JMJD1C: variants seen among roughly 807,000 people sequenced by gnomAD.
The protein encoded by JMJD1C is jumonji domain-containing protein 1C.
In JMJD1C, 31 loss-of-function variants were observed where a neutral mutation model predicts 245.3. That is an observed-to-expected ratio of 0.13 (90% CI 0.09 to 0.17). The LOEUF (loss-of-function observed/expected upper bound fraction) is 0.17. Ranked by LOEUF, JMJD1C falls within the 10% of genes least tolerant of loss-of-function variation. The probability of loss-of-function intolerance (pLI) is 1.00; values close to 1 mark genes in which losing one functional copy is unlikely to be tolerated. For missense variants in JMJD1C, 2,691 were observed against 3,000.2 expected, an observed-to-expected ratio of 0.90 and a Z score of 2.41; for synonymous variants, 1,057 against 1,017.4, an observed-to-expected ratio of 1.04 and a Z score of -0.74.
intron 1 of JMJD1C, among the ~76,000 whole-genome samples, chr10:63,495,923 TATC>T (rs1954352230): frequency 1.3e-5 from 2 of 151,532 alleles, no homozygotes; most frequent in African/African-American, 4.8e-5. Context: ...TAAAAAAGGA[TATC>T]AACATCTTTC....
chr10:63,375,799 C>G (rs1005516077), intron 2 of JMJD1C, among the ~76,000 whole-genome samples: 1 of 152,030 alleles, frequency 6.6e-6, no homozygotes, highest in Non-Finnish European at 1.5e-5. Context: ...AAGCAATCCT[C>G]TCGCCTTAGC....
intron 2 of JMJD1C, among the ~76,000 whole-genome samples, chr10:63,333,884 T>C (rs1942421474): frequency 6.6e-6 from 1 of 152,164 alleles, no homozygotes; most frequent in Non-Finnish European, 1.5e-5. Flanking sequence ...TAAATACAAT[T>C]TTTCCAGCAA....
At chr10:63,237,974 G>A (rs1236971960) in intron 3 of JMJD1C, among the ~76,000 whole-genome samples, 2 of 122,922 alleles carry the variant, frequency 1.6e-5, no homozygotes. Flanking sequence ...TTAGAGACCA[G>A]CCTGGCCAAC....
At chr10:63,202,864 T>G in intron 10 of JMJD1C, 1 of 978,008 alleles carries the variant, frequency 1.0e-6, no homozygotes, top group Non-Finnish European at 1.2e-6. Flanking sequence ...TTTGGAACAC[T>G]TGCTTCTAAT....
chr10:63,190,688 C>A (rs891762566), intron 17 of JMJD1C, among the ~76,000 whole-genome samples: 3 of 152,022 alleles, frequency 2.0e-5, no homozygotes, highest in Non-Finnish European at 4.4e-5. Context: ...TCGAAGAGCA[C>A]CCCCCCTCCA....
intron 1 of JMJD1C, among the ~76,000 whole-genome samples, chr10:63,484,942 T>C (rs1288347601): frequency 6.6e-6 from 1 of 151,682 alleles, no homozygotes; most frequent in African/African-American, 2.4e-5. Context: ...CAAGCTAGGG[T>C]TCATGCTGCT....
intron 1 of JMJD1C, among the ~76,000 whole-genome samples, chr10:63,393,853 T>C (rs185839494): frequency 6.6e-6 from 1 of 152,138 alleles, no homozygotes; most frequent in African/African-American, 2.4e-5. Context: ...AGTTGCACAG[T>C]TCACATTACC....
chr10:63,451,162 T>G (rs1325323579), intron 1 of JMJD1C, among the ~76,000 whole-genome samples: 1 of 152,164 alleles, frequency 6.6e-6, no homozygotes, highest in African/African-American at 2.4e-5. Flanking sequence ...ACATCTGTGT[T>G]TGTGGATCAG....
At chr10:63,350,194 A>AT (rs1944228731) in intron 2 of JMJD1C, among the ~76,000 whole-genome samples, 1 of 152,164 alleles carries the variant, frequency 6.6e-6, no homozygotes, top group Non-Finnish European at 1.5e-5. Context: ...CTGACTCATG[A>AT]GATAAGTGAC....
At chr10:63,509,755 G>A (rs1954820551) in intron 1 of JMJD1C, among the ~76,000 whole-genome samples, 1 of 152,120 alleles carries the variant, frequency 6.6e-6, no homozygotes, top group East Asian at 1.9e-4. Context: ...TAAAGATGCT[G>A]CTCTTTCATT....
chr10:63,298,175 A>G (rs1420868148), intron 2 of JMJD1C, among the ~76,000 whole-genome samples: 7 of 151,382 alleles, frequency 4.6e-5, no homozygotes, highest in African/African-American at 1.5e-4. Flanking sequence ...ACCCCTCACC[A>G]CTCTGCTCCT....
chr10:63,320,313 T>C (rs1392982114), intron 2 of JMJD1C, among the ~76,000 whole-genome samples: 1 of 152,236 alleles, frequency 6.6e-6, no homozygotes, highest in Non-Finnish European at 1.5e-5. Flanking sequence ...AGGATAATTT[T>C]ATATTCATCA....
intron 1 of JMJD1C, among the ~76,000 whole-genome samples, chr10:63,411,390 C>T (rs1949466813): frequency 6.6e-6 from 1 of 151,632 alleles, no homozygotes; most frequent in African/African-American, 2.4e-5. Flanking sequence ...CCTCCGCCTC[C>T]CGGGGTCAAG....
intron 1 of JMJD1C, among the ~76,000 whole-genome samples, chr10:63,406,478 G>C (rs989164418): frequency 6.6e-6 from 1 of 151,914 alleles, no homozygotes. Context: ...TCAAAGTCCA[G>C]AAGTTTTTAT....
chr10:63,516,189 G>A (rs1406627671), intron 1 of JMJD1C, among the ~76,000 whole-genome samples: 3 of 142,730 alleles, frequency 2.1e-5, no homozygotes, highest in Non-Finnish European at 3.0e-5. Context: ...CTTTATCTTA[G>A]ACTAAATATC....
In JMJD1C at chr10:63,510,042, G is replaced by A. The variant is rs540026526; in HGVS notation, n.113+11696C>T. Among the ~76,000 whole-genome samples the A allele has an allele frequency of 7.4e-5, 11 of 148,784 alleles. No individual in the cohort carries two copies. The South Asian group carries it at 1.1e-3, about 14-fold the overall frequency. ...TTTTGAGATGGAGTCTCACTCTGTC[G>A]CCCAGGCTAGAGTGCAGTGGCGTGA... On this transcript the variant is annotated intron_variant and non_coding_transcript_variant, in intron 1 of 3. Transcript: ENST00000633035.
At chr10:63,236,608 T>G (rs1850762170) in intron 3 of JMJD1C, among the ~76,000 whole-genome samples, 1 of 152,172 alleles carries the variant, frequency 6.6e-6, no homozygotes, top group Non-Finnish European at 1.5e-5. Context: ...ATTTACTAAC[T>G]GCAGCTTCCT....
At chr10:63,290,743 C>T (rs999925869) in intron 2 of JMJD1C, among the ~76,000 whole-genome samples, 26 of 151,906 alleles carry the variant, frequency 1.7e-4, no homozygotes, top group Admixed American at 1.7e-3. Flanking sequence ...AAAATGCTTG[C>T]AATTTTGCTA....
intron 2 of JMJD1C, among the ~76,000 whole-genome samples, chr10:63,282,169 A>G (rs1434773643): frequency 6.6e-6 from 1 of 152,200 alleles, no homozygotes; most frequent in Non-Finnish European, 1.5e-5. Flanking sequence ...ACAAGGCTCT[A>G]CAATTATTTC....
Sources: allele counts gnomAD v4.1 joint callset (sites outside exome capture counted in the v4.1 genomes callset), GRCh38; gene constraint gnomAD v4.1.1; transcripts MANE v1.5; gene names NCBI Gene and HGNC (gene_info 2026-07-23, HGNC 2026-07-21).